TMEM154: variants seen among roughly 807,000 people sequenced by gnomAD.
TMEM154 encodes transmembrane protein 154.
A neutral mutation model predicts 24.5 loss-of-function variants in TMEM154; 27 were observed. The ratio of observed to expected loss-of-function variants is 1.10; its 90% CI spans 0.81 to 1.52. The LOEUF (loss-of-function observed/expected upper bound fraction) is 1.52. Among genes scored for constraint, TMEM154 ranks in the 40% most tolerant of loss-of-function variants. TMEM154 has a pLI of 0.00. For missense variants in TMEM154, 228 were observed against 213.4 expected (o/e 1.07, Z -0.43); for synonymous variants, 67 against 76.8 (o/e 0.87, Z 0.67).
At chr4:152,639,335 CA>C (rs1010410318) in intron 6 of TMEM154, among the ~76,000 whole-genome samples, 2 of 152,118 alleles carry the variant, frequency 1.3e-5, no homozygotes, top group African/African-American at 4.8e-5. Flanking sequence ...TTTCAAAGAG[CA>C]AAAGGCAGGA....
chr4:152,652,632 A>T, intron 2 of TMEM154, 35 bp downstream of exon 2: 1 of 1,613,466 alleles, frequency 6.2e-7, no homozygotes, highest in Non-Finnish European at 8.5e-7. Context: ...CACATGAAGC[A>T]ATTTTCTGGA....
chr4:152,648,746 T>G (rs1170719776), intron 3 of TMEM154, among the ~76,000 whole-genome samples: 2 of 152,176 alleles, frequency 1.3e-5, no homozygotes, highest in Non-Finnish European at 2.9e-5. Context: ...ACAATGAAAT[T>G]CAATGAAAAA....
intron 1 of TMEM154, among the ~76,000 whole-genome samples, chr4:152,677,235 A>G (rs569001063): frequency 1.3e-5 from 2 of 152,328 alleles, no homozygotes; most frequent in South Asian, 2.1e-4. Context: ...ACTCAATTCT[A>G]TGTCAGGCTA....
chr4:152,645,477 G>A (rs1318120107), intron 3 of TMEM154, among the ~76,000 whole-genome samples: 3 of 152,316 alleles, frequency 2.0e-5, no homozygotes, highest in South Asian at 4.1e-4. Context: ...CCCAGCTGAA[G>A]CCCTGTTTCA....
intron 6 of TMEM154, among the ~76,000 whole-genome samples, chr4:152,640,113 G>C (rs1232767388): frequency 6.6e-6 from 1 of 152,186 alleles, no homozygotes; most frequent in Non-Finnish European, 1.5e-5. Flanking sequence ...CAGACTTCTG[G>C]TGAACATGGA....
At chr4:152,672,714 A>G (rs1055487855) in intron 1 of TMEM154, among the ~76,000 whole-genome samples, 2 of 152,250 alleles carry the variant, frequency 1.3e-5, no homozygotes, top group Admixed American at 1.3e-4. Context: ...ATTATTTTCC[A>G]TTATGAAAGT....
intron 1 of TMEM154, among the ~76,000 whole-genome samples, chr4:152,659,398 G>C: frequency 6.6e-6 from 1 of 152,052 alleles, no homozygotes; most frequent in East Asian, 1.9e-4. Flanking sequence ...AAGAGAGGTT[G>C]GTTAATGGGT....
chr4:152,679,844 A>G (rs763052748), intron 1 of TMEM154, 26 bp downstream of exon 1: 1 of 1,598,284 alleles, frequency 6.3e-7, no homozygotes, highest in Admixed American at 1.8e-5. Flanking sequence ...CCTCCTTCCC[A>G]GGAGTAGGAA....
intron 1 of TMEM154, chr4:152,669,799 A>G (rs980945283): frequency 1.2e-4 from 19 of 152,374 alleles, no homozygotes; most frequent in African/African-American, 4.6e-4. Context: ...CATATGAAAC[A>G]TAGAAAAAAT....
intron 3 of TMEM154, chr4:152,646,962 T>C (rs1033061917): frequency 4.3e-6 from 3 of 704,804 alleles, no homozygotes; most frequent in Non-Finnish European, 2.6e-6. Flanking sequence ...ACCTCACACA[T>C]CAAGACACTG....
chr4:152,650,386 ACT>A (rs1728353074), intron 3 of TMEM154, among the ~76,000 whole-genome samples: 1 of 151,860 alleles, frequency 6.6e-6, no homozygotes, highest in Admixed American at 6.6e-5. Flanking sequence ...AAAAAACAAA[ACT>A]CTTTGTTCAT....
intron 1 of TMEM154, among the ~76,000 whole-genome samples, chr4:152,653,390 A>T (rs955007912): frequency 1.4e-5 from 2 of 141,942 alleles, no homozygotes; most frequent in East Asian, 2.1e-4. Context: ...CTGTGTCCTA[A>T]TTTTTTTTTT....
chr4:152,644,361 T>G, intron 4 of TMEM154, 54 bp downstream of exon 4: 1 of 1,602,396 alleles, frequency 6.2e-7, no homozygotes, highest in South Asian at 1.1e-5. Flanking sequence ...GCTGTCCACC[T>G]TAACAGTTGC....
chr4:152,648,393 G>A (rs1055326543), intron 3 of TMEM154, among the ~76,000 whole-genome samples: 1 of 152,164 alleles, frequency 6.6e-6, no homozygotes, highest in Non-Finnish European at 1.5e-5. Flanking sequence ...TACTCTGTAG[G>A]CTGAGGTGGG....
chr4:152,623,472 C>T lies in TMEM154; in HGVS notation c.*5074G>A, dbSNP rs535269488. On this transcript the variant is annotated 3_prime_UTR_variant, in exon 7 of 7. Transcript: ENST00000304385. The stretch of plus-strand genomic sequence containing the variant: ...TTATTTATAATTTGAGGTGTTTCAC[C>T]GACATCAGAGTAATACATTGCTTAC... 5 of 152,070 alleles carry T rather than the reference C, an allele frequency of 3.3e-5. No individual in the cohort carries two copies. Among genetic ancestry groups the T allele is most frequent in the Admixed American group, 2.0e-4 (3 of 15,284 alleles). 9.4% of individuals were successfully genotyped at this position (152,070 alleles called of 1,614,324 possible).
chr4:152,618,805 A>G lies in TMEM154; in HGVS notation c.*9741T>C, dbSNP rs1751803047. ...TTAATGTAGCTAAAAATACAATACA[A>G]TACACACAATAGGACAATATGAAAT... On this transcript the variant is annotated 3_prime_UTR_variant, in exon 7 of 7. Coordinates refer to ENST00000304385, the MANE Select transcript of TMEM154 (RefSeq NM_152680.3). 1 of 152,232 alleles carries G rather than the reference A, an allele frequency of 6.6e-6. No homozygotes were observed. Among genetic ancestry groups the G allele is most frequent in the South Asian group, 2.1e-4 (1 of 4,830 alleles). 9.4% of individuals were successfully genotyped at this position (152,232 alleles called of 1,614,324 possible).
intron 6 of TMEM154, among the ~76,000 whole-genome samples, chr4:152,630,776 C>T (rs540852198): frequency 3.3e-5 from 5 of 152,280 alleles, no homozygotes; most frequent in African/African-American, 9.6e-5. Context: ...AATCTCACTA[C>T]ATTAACATTT....
At position 152,667,994 on chromosome 4, in the gene TMEM154, T is replaced by C. The variant is rs149796866; in HGVS notation, c.64+11876A>G. On this transcript the variant is annotated intron_variant, in intron 1 of 6. Coordinates refer to ENST00000304385, the MANE Select transcript of TMEM154 (RefSeq NM_152680.3). ...TTCACAGTGGGGAGACCCACAATGT[T>C]CCAATGTCTTTTTCATTTGAAACTT... Among the ~76,000 whole-genome samples the C allele has an allele frequency of 2.6e-3, 395 of 152,356 alleles. 2 individuals carry two copies. The highest frequency in any genetic ancestry group is 9.3e-3 in the African/African-American group (386 of 41,578).
chr4:152,640,002 AG>A (rs927860913), intron 6 of TMEM154, among the ~76,000 whole-genome samples: 1 of 152,128 alleles, frequency 6.6e-6, no homozygotes, highest in African/African-American at 2.4e-5. Context: ...AAGGGTCCGA[AG>A]ATAAACATCT....
Sources: allele counts gnomAD v4.1 joint callset (sites outside exome capture counted in the v4.1 genomes callset), GRCh38; gene constraint gnomAD v4.1.1; transcripts MANE v1.5; gene names NCBI Gene and HGNC (gene_info 2026-07-23, HGNC 2026-07-21).